Variants in USP7 observed in about 807,000 individuals in gnomAD.
USP7 encodes ubiquitin C-terminal hydrolase 7.
In USP7, 9 loss-of-function variants were observed where a neutral mutation model predicts 162.9. That is an observed-to-expected ratio of 0.06 (90% confidence interval 0.03 to 0.10). USP7 has a LOEUF of 0.10. Among genes scored for constraint, USP7 ranks in the 10% least tolerant of loss-of-function variants. The probability of loss-of-function intolerance (pLI) is 1.00; values close to 1 mark genes in which losing one functional copy is unlikely to be tolerated. For missense variants in USP7, 715 were observed against 1,373.7 expected (o/e 0.52, Z 7.58); for synonymous variants, 562 against 475.9 (o/e 1.18, Z -2.35).
At chr16:8,960,819 G>A (rs1286426649) in intron 1 of USP7, among the ~76,000 whole-genome samples, 1 of 152,186 alleles carries the variant, frequency 6.6e-6, no homozygotes, top group Non-Finnish European at 1.5e-5. Flanking sequence ...TCAGGATTGG[G>A]AAGGCTGAAA....
At chr16:8,938,811 A>G (rs1285591008) in intron 1 of USP7, among the ~76,000 whole-genome samples, 1 of 152,168 alleles carries the variant, frequency 6.6e-6, no homozygotes, top group Non-Finnish European at 1.5e-5. Flanking sequence ...AACTATTTAC[A>G]TAGCATTTAC....
At chr16:8,897,764 T>C (rs1008196148) in intron 25 of USP7, among the ~76,000 whole-genome samples, 1 of 121,804 alleles carries the variant, frequency 8.2e-6, no homozygotes. Flanking sequence ...TTGGGCGTGG[T>C]GACATACACC....
At chr16:8,907,076 T>C (rs1406848012) in intron 12 of USP7, among the ~76,000 whole-genome samples, 1 of 152,226 alleles carries the variant, frequency 6.6e-6, no homozygotes, top group East Asian at 1.9e-4. Flanking sequence ...GGGGCTGGTC[T>C]CAAGCACAGC....
At chr16:8,949,920 G>A (rs1010959415) in intron 1 of USP7, among the ~76,000 whole-genome samples, 17 of 152,140 alleles carry the variant, frequency 1.1e-4, no homozygotes, top group Non-Finnish European at 1.6e-4. Context: ...ACTGGTCAAG[G>A]AGGTCTAACG....
intron 2 of USP7, 50 bp from the exon 3 acceptor site, chr16:8,923,463 G>A: frequency 6.3e-7 from 1 of 1,588,038 alleles, no homozygotes; most frequent in Non-Finnish European, 8.6e-7. Context: ...TTGACCAAAA[G>A]CACTAGCATT....
At chr16:8,940,493 G>A (rs1016378569) in intron 1 of USP7, among the ~76,000 whole-genome samples, 1 of 152,194 alleles carries the variant, frequency 6.6e-6, no homozygotes, top group Admixed American at 6.5e-5. Context: ...AGAGTGGGAG[G>A]GCAGGGGTTA....
intron 1 of USP7, among the ~76,000 whole-genome samples, chr16:8,953,522 G>A (rs1262061615): frequency 1.6e-5 from 2 of 127,992 alleles, no homozygotes; most frequent in African/African-American, 5.6e-5. Flanking sequence ...CGGTGCCACT[G>A]GAAGCAGAGG....
At position 8,910,833 on chromosome 16, in the gene USP7, A is replaced by C; in HGVS notation, c.1079-6T>G. The C allele has an allele frequency of 6.2e-7, 1 of 1,612,170 alleles. No individual in the cohort carries two copies. Among genetic ancestry groups the C allele is most frequent in the South Asian group, 1.1e-5 (1 of 91,030 alleles). On this transcript the variant is annotated splice_polypyrimidine_tract_variant and splice_region_variant and intron_variant, in intron 10 of 30. Transcript: ENST00000344836. ...ATCCACAAATGATTCAAATACTTTA[A>C]AGAGAGAGAGAGAAAAGTCAAGTGC...
intron 1 of USP7, among the ~76,000 whole-genome samples, chr16:8,959,629 AT>A (rs1899932026): frequency 6.6e-6 from 1 of 152,220 alleles, no homozygotes; most frequent in Non-Finnish European, 1.5e-5. Context: ...TGTAAGGAAA[AT>A]CAACACTCTC....
chr16:8,908,288 C>G (rs1353983303), intron 12 of USP7, 53 bp downstream of exon 12: 2 of 1,422,930 alleles, frequency 1.4e-6, no homozygotes, highest in Non-Finnish European at 2.0e-6. Context: ...GAGACTAACC[C>G]CCTAGACCAG....
At position 8,940,478 on chromosome 16, in the gene USP7, T is replaced by C. The variant is rs376237235; in HGVS notation, c.80-10081A>G. 5.1e-4 allele frequency among the ~76,000 whole-genome samples: 78 copies of C among 152,204 alleles called. No homozygotes were observed. In the South Asian group the frequency reaches 7.1e-3, roughly 14 times the overall value. ...AGCTGGGCGCCACCATCAAGGCTGTTGATCAGAGTGGGAGGGCAGGGGTTA... is the reference window on the plus strand; with the variant it reads ...AGCTGGGCGCCACCATCAAGGCTGTCGATCAGAGTGGGAGGGCAGGGGTTA... On this transcript the variant is annotated intron_variant, in intron 1 of 30. Coordinates refer to ENST00000344836, the MANE Select transcript of USP7 (RefSeq NM_003470.3).
intron 1 of USP7, among the ~76,000 whole-genome samples, chr16:8,956,085 G>A (rs186683285): frequency 3.9e-5 from 6 of 152,276 alleles, no homozygotes; most frequent in Admixed American, 1.3e-4. Context: ...ACAACTTACT[G>A]TGAGAGCTGG....
chr16:8,946,407 C>T (rs940178870), intron 1 of USP7, among the ~76,000 whole-genome samples: 6 of 152,042 alleles, frequency 3.9e-5, no homozygotes, highest in African/African-American at 1.4e-4. Flanking sequence ...ATGGTGAAAC[C>T]GCATCTCTAA....
At chr16:8,914,986 A>C (rs1023987502) in intron 10 of USP7, among the ~76,000 whole-genome samples, 1 of 152,210 alleles carries the variant, frequency 6.6e-6, no homozygotes, top group Non-Finnish European at 1.5e-5. Flanking sequence ...TAAAACATGC[A>C]AAGTTAACCC....
At chr16:8,898,172 A>AC (rs2061719102) in intron 25 of USP7, among the ~76,000 whole-genome samples, 188 bp downstream of exon 25, 1 of 151,996 alleles carries the variant, frequency 6.6e-6, no homozygotes, top group African/African-American at 2.4e-5. Context: ...CATGTCATGC[A>AC]CCCCAGAGGC....
chr16:8,922,725 G>A (rs2141214335), intron 3 of USP7, among the ~76,000 whole-genome samples: 1 of 152,282 alleles, frequency 6.6e-6, no homozygotes, highest in South Asian at 2.1e-4. Flanking sequence ...CTAAATAGAA[G>A]GACCATCAAG....
intron 2 of USP7, among the ~76,000 whole-genome samples, chr16:8,929,712 A>G (rs1898207498): frequency 6.6e-6 from 1 of 152,202 alleles, no homozygotes; most frequent in African/African-American, 2.4e-5. Context: ...AAATTTAAAG[A>G]AGGAATGGTC....
chr16:8,920,797 G>C (rs974434436), intron 4 of USP7, among the ~76,000 whole-genome samples: 15 of 152,118 alleles, frequency 9.9e-5, no homozygotes, highest in African/African-American at 3.4e-4. Flanking sequence ...TTGTTCCACT[G>C]GTTACCACCT....
rs2061768826 is a variant in USP7 at position 8,901,241 on chromosome 16, G to C, written c.2048-7C>G. The C allele has an allele frequency of 6.2e-7, 1 of 1,601,636 alleles. No homozygotes were observed. The highest frequency in any genetic ancestry group is 8.6e-7 in the Non-Finnish European group (1 of 1,169,288). ...AAAAATAACATTACATCATCTACAAGGTTAATAAACAAGTTTTGTTAAGAT... is the reference window on the plus strand; with the variant it reads ...AAAAATAACATTACATCATCTACAACGTTAATAAACAAGTTTTGTTAAGAT... On this transcript the variant is annotated splice_region_variant and splice_polypyrimidine_tract_variant and intron_variant, in intron 18 of 30. Transcript: ENST00000344836.
Sources: allele counts gnomAD v4.1 joint callset (sites outside exome capture counted in the v4.1 genomes callset), GRCh38; gene constraint gnomAD v4.1.1; transcripts MANE v1.5; gene names NCBI Gene and HGNC (gene_info 2026-07-23, HGNC 2026-07-21).